Variants in KCNE2 observed in about 807,000 individuals in gnomAD.
The protein encoded by KCNE2 is potassium voltage-gated channel subfamily E member 2.
In KCNE2, 4 loss-of-function variants were observed where a neutral mutation model predicts 4.5. That is an observed-to-expected ratio of 0.89 (90% confidence interval 0.44 to 2.03). The LOEUF is 2.03. KCNE2 is among the 30% of genes most tolerant of loss of function. The pLI is 0.03. For missense variants in KCNE2, 137 were observed against 151.4 expected (o/e 0.90, Z 0.50); for synonymous variants, 57 against 55.9 (o/e 1.02, Z -0.09).
intron 1 of KCNE2, among the ~76,000 whole-genome samples, chr21:34,365,107 C>A (rs1487881385): frequency 6.6e-6 from 1 of 152,132 alleles, no homozygotes; most frequent in African/African-American, 2.4e-5. Flanking sequence ...GCACTGTGGC[C>A]AACTTGAGAG....
intron 1 of KCNE2, among the ~76,000 whole-genome samples, chr21:34,368,197 TCACACACA>T (rs534677357): frequency 3.5e-4 from 33 of 93,250 alleles, no homozygotes; most frequent in Non-Finnish European, 4.5e-4. Flanking sequence ...AAACCAATAA[TCACACACA>T]CACACACACA....
intron 1 of KCNE2, among the ~76,000 whole-genome samples, chr21:34,364,988 T>C (rs1979231655): frequency 1.3e-5 from 2 of 152,150 alleles, no homozygotes; most frequent in Admixed American, 6.5e-5. Flanking sequence ...TTGTACCCAG[T>C]TGAGCCAACT....
chr21:34,365,625 A>G (rs538710577), intron 1 of KCNE2, among the ~76,000 whole-genome samples: 2 of 152,080 alleles, frequency 1.3e-5, no homozygotes, highest in African/African-American at 2.4e-5. Flanking sequence ...GTGTCTCGCT[A>G]TGTTGTCCAG....
intron 1 of KCNE2, among the ~76,000 whole-genome samples, chr21:34,368,229 A>ACACACACTATATATATATAT (rs781775671): frequency 1.2e-5 from 1 of 84,810 alleles, no homozygotes; most frequent in Non-Finnish European, 2.0e-5. Flanking sequence ...ACACACACAC[A>ACACACACTATATATATATAT]ATATATATAT....
chr21:34,366,574 C>T (rs1979302624), intron 1 of KCNE2, among the ~76,000 whole-genome samples: 1 of 152,148 alleles, frequency 6.6e-6, no homozygotes, highest in Non-Finnish European at 1.5e-5. Context: ...GGCTCAAGCT[C>T]TCCTGTCATC....
At chr21:34,365,510 T>G (rs549216272) in intron 1 of KCNE2, among the ~76,000 whole-genome samples, 1 of 152,194 alleles carries the variant, frequency 6.6e-6, no homozygotes, top group East Asian at 1.9e-4. Flanking sequence ...ACTGCAGCCT[T>G]GACCTCCCAG....
intron 1 of KCNE2, among the ~76,000 whole-genome samples, chr21:34,369,067 G>C (rs1603061712): frequency 6.6e-6 from 1 of 152,134 alleles, no homozygotes; most frequent in African/African-American, 2.4e-5. Context: ...CGAGGAAAGA[G>C]AGCTTACTGA....
intron 1 of KCNE2, among the ~76,000 whole-genome samples, chr21:34,364,454 C>A (rs1159478175): frequency 6.6e-6 from 1 of 151,976 alleles, no homozygotes; most frequent in Non-Finnish European, 1.5e-5. Flanking sequence ...GTGATGTGAG[C>A]GATCTACCAT....
chr21:34,365,283 C>T (rs914264514), intron 1 of KCNE2, among the ~76,000 whole-genome samples: 1 of 152,170 alleles, frequency 6.6e-6, no homozygotes, highest in Non-Finnish European at 1.5e-5. Flanking sequence ...ACATGAATTG[C>T]CCATATTTGA....
intron 1 of KCNE2, among the ~76,000 whole-genome samples, chr21:34,364,614 A>C (rs757051931): frequency 6.6e-6 from 1 of 152,058 alleles, no homozygotes; most frequent in Non-Finnish European, 1.5e-5. Context: ...TACTAAAAAT[A>C]CAAAAAAAAT....
chr21:34,367,585 A>G (rs1000325022), intron 1 of KCNE2, among the ~76,000 whole-genome samples: 1 of 152,222 alleles, frequency 6.6e-6, no homozygotes, highest in African/African-American at 2.4e-5. Flanking sequence ...CATCAGACAG[A>G]GAAGAGTATA....
intron 1 of KCNE2, among the ~76,000 whole-genome samples, chr21:34,368,730 G>C (rs1473579797): frequency 6.6e-6 from 1 of 152,156 alleles, no homozygotes; most frequent in Non-Finnish European, 1.5e-5. Context: ...ATATAAATGA[G>C]TCATTGCTCC....
rs1250410881 is a variant in KCNE2 at position 34,368,226 on chromosome 21, C to T, written c.-12-2241C>T. 1.7e-3 allele frequency among the ~76,000 whole-genome samples: 110 copies of T among 63,090 alleles called. 1 individual carries two copies. Among genetic ancestry groups the T allele is most frequent in the Middle Eastern group, 7.0e-3 (1 of 142 alleles). The allele number at this position is 63,090 out of a possible 152,430, so 41.4% of individuals were successfully genotyped here. ...ACACACACACACACACACACACACA[C>T]ACAATATATATATATATATATATAT... On this transcript the variant is annotated intron_variant, in intron 1 of 1. Coordinates refer to ENST00000290310, the MANE Select transcript of KCNE2 (RefSeq NM_172201.2).
At chr21:34,370,413 A>T in intron 1 of KCNE2, 54 bp from the exon 2 acceptor site, 1 of 1,611,926 alleles carries the variant, frequency 6.2e-7, no homozygotes. Context: ...AGCCAAATCC[A>T]GAAAAGATCC....
Position 34,371,157 on chromosome 21 carries a change from G to A in KCNE2, c.*307G>A. The A allele has an allele frequency of 2.5e-6, 1 of 402,706 alleles. No homozygotes were observed. Among genetic ancestry groups the A allele is most frequent in the Non-Finnish European group, 4.8e-6 (1 of 210,236 alleles). The allele number at this position is 402,706 out of a possible 1,614,324, so 24.9% of individuals were successfully genotyped here. A position where few individuals can be genotyped will look rare whatever the true frequency, so the allele number is the denominator to read the frequency against. On this transcript the variant is annotated 3_prime_UTR_variant, in exon 2 of 2. Transcript: ENST00000290310. The stretch of plus-strand genomic sequence containing the variant: ...AAATTTGAAGTAAAGTGTCTGGGCA[G>A]TGGCTGTGGGGATAGAAAGGAGAGA...
At chr21:34,364,932 A>G (rs1199609132) in intron 1 of KCNE2, among the ~76,000 whole-genome samples, 1 of 152,206 alleles carries the variant, frequency 6.6e-6, no homozygotes, top group Non-Finnish European at 1.5e-5. Flanking sequence ...GACAGGGCAC[A>G]ACTAATGACA....
At chr21:34,367,840 G>T (rs1206062782) in intron 1 of KCNE2, among the ~76,000 whole-genome samples, 1 of 152,078 alleles carries the variant, frequency 6.6e-6, no homozygotes, top group East Asian at 1.9e-4. Flanking sequence ...TTTACTAGTG[G>T]CTAGTCACAG....
chr21:34,370,829 TG>T lies in KCNE2; in HGVS notation c.354del (p.Phe119SerfsTer16), dbSNP rs750011503. 1.5e-5 allele frequency: 24 copies of T among 1,614,078 alleles called. 1 individual carries two copies. In the South Asian group the frequency reaches 2.6e-4, roughly 18 times the overall value. Reference protein sequence around the residue: ...ATIHENIGAAGFKMSP With the variant: ...ATIHENIGAAXFKMSP The stretch of plus-strand genomic sequence containing the variant: ...CCATCCATGAGAACATTGGTGCGGC[TG>T]GGTTCAAAATGTCCCCCTGATAAGG... On this transcript the variant is annotated frameshift_variant, in exon 2 of 2. Coordinates refer to ENST00000290310, the MANE Select transcript of KCNE2 (RefSeq NM_172201.2). LOFTEE classifies it high-confidence loss of function.
chr21:34,366,672 C>T (rs11702830), intron 1 of KCNE2, among the ~76,000 whole-genome samples: 37,996 of 151,828 alleles, frequency 0.25, 5,847 homozygotes, highest in Non-Finnish European at 0.33. Flanking sequence ...GCACACAATA[C>T]ATGGGTAATT....
Sources: gnomAD v4.1 joint callset for allele counts (sites outside exome capture counted in the v4.1 genomes callset) on GRCh38, gnomAD v4.1.1 for gene constraint, MANE v1.5 for transcripts, NCBI Gene and HGNC (gene_info 2026-07-23, HGNC 2026-07-21) for gene names.